The following BRAF variants were observed in gnomAD, a reference collection of about 807,000 sequenced individuals.
The protein encoded by BRAF is B-Raf proto-oncogene, serine/threonine kinase.
BRAF carries 16 observed loss-of-function variants against 104.6 expected under a neutral mutation model. That is an observed-to-expected ratio of 0.15 (90% CI 0.10 to 0.23). The LOEUF (loss-of-function observed/expected upper bound fraction) is 0.23. BRAF is among the 10% of genes least tolerant of loss of function. The pLI is 1.00. For synonymous variants in BRAF, 310 were observed against 341.6 expected (o/e 0.91, Z 1.02); for missense variants, 541 against 937.3 (o/e 0.58, Z 5.52).
At position 140,781,503 on chromosome 7, in the gene BRAF, T is replaced by C. The variant is rs1800866134; in HGVS notation, c.1552+73A>G. The C allele has an allele frequency of 9.6e-6, 13 of 1,354,412 alleles. No individual in the cohort carries two copies. In the South Asian group the frequency reaches 1.4e-4, roughly 15 times the overall value. The allele number at this position is 1,354,412 out of a possible 1,614,324, so 83.9% of individuals were successfully genotyped here. A position where few individuals can be genotyped will look rare whatever the true frequency, so the allele number is the denominator to read the frequency against. On this transcript the variant is annotated intron_variant, in intron 12 of 19. Transcript: ENST00000644969. The stretch of plus-strand genomic sequence containing the variant: ...ACAGTGAATATTTCCTTTGATGATA[T>C]TTTTTACAAAATAAAAGTTGTTAAA...
At chr7:140,759,805 G>T (rs368259741) in intron 14 of BRAF, among the ~76,000 whole-genome samples, 1 of 152,244 alleles carries the variant, frequency 6.6e-6, no homozygotes, top group Admixed American at 6.5e-5. Flanking sequence ...CCTGAAAGCA[G>T]TGTTTCTCAC....
At chr7:140,847,793 C>G (rs2129072008) in intron 2 of BRAF, among the ~76,000 whole-genome samples, 1 of 152,180 alleles carries the variant, frequency 6.6e-6, no homozygotes, top group South Asian at 2.1e-4. Context: ...ATCTTGAGTA[C>G]AGAAACTAAG....
chr7:140,867,753 A>C (rs1811131724), intron 1 of BRAF, among the ~76,000 whole-genome samples: 1 of 152,192 alleles, frequency 6.6e-6, no homozygotes, highest in African/African-American at 2.4e-5. Flanking sequence ...CAAATGCAAA[A>C]AGCATTAAGG....
rs1800405339 is a variant in BRAF at position 140,777,103 on chromosome 7, G to A, written c.1638-15C>T. On this transcript the variant is annotated splice_polypyrimidine_tract_variant and intron_variant, in intron 13 of 19. Transcript: ENST00000644969. Reference sequence around the variant, plus strand: ...GTCGTGTTTTCCTGTACAAAGAAATGTGACAGTAAACATTAAATGTCGACA... The same window carrying A: ...GTCGTGTTTTCCTGTACAAAGAAATATGACAGTAAACATTAAATGTCGACA... 1 of 1,612,388 alleles carries A rather than the reference G, an allele frequency of 6.2e-7. No individual in the cohort carries two copies. Among genetic ancestry groups the A allele is most frequent in the Non-Finnish European group, 8.5e-7 (1 of 1,178,548 alleles).
At chr7:140,865,993 C>T (rs1488104321) in intron 1 of BRAF, among the ~76,000 whole-genome samples, 3 of 152,136 alleles carry the variant, frequency 2.0e-5, no homozygotes. Context: ...CTGTCCATAA[C>T]GTCAAACTGT....
chr7:140,813,886 CAT>C (rs1554405456), intron 3 of BRAF, among the ~76,000 whole-genome samples: 2 of 149,620 alleles, frequency 1.3e-5, no homozygotes, highest in African/African-American at 2.5e-5. Context: ...CGGACGCATA[CAT>C]ACACACACAC....
intron 3 of BRAF, among the ~76,000 whole-genome samples, chr7:140,817,172 G>A (rs1040009039): frequency 1.3e-4 from 19 of 151,872 alleles, no homozygotes; most frequent in African/African-American, 4.4e-4. Flanking sequence ...CAAACAATCC[G>A]AAACAAAAAT....
At chr7:140,763,316 G>A (rs1453206242) in intron 14 of BRAF, among the ~76,000 whole-genome samples, 1 of 147,756 alleles carries the variant, frequency 6.8e-6, no homozygotes, top group Non-Finnish European at 1.5e-5. Flanking sequence ...CCTGGACAGG[G>A]CGGCTGGCCG....
intron 1 of BRAF, among the ~76,000 whole-genome samples, chr7:140,908,989 C>CT (rs1224922004): frequency 0.034 from 4,093 of 120,174 alleles, 204 homozygotes; most frequent in African/African-American, 0.096. Context: ...TCTACGTTTT[C>CT]TTTTTTTTTT....
intron 5 of BRAF, among the ~76,000 whole-genome samples, chr7:140,803,088 T>C (rs1327429300): frequency 6.6e-6 from 1 of 152,242 alleles, no homozygotes; most frequent in Non-Finnish European, 1.5e-5. Context: ...TAACATTCCG[T>C]GCAGGTTATT....
chr7:140,734,235 C>CAGA, intron 19 of BRAF: 1 of 1,162,364 alleles, frequency 8.6e-7, no homozygotes, highest in Non-Finnish European at 1.1e-6. Context: ...GTAGGGTCTT[C>CAGA]TTCTGGAGTC....
chr7:140,821,798 T>G (rs1423449494), intron 3 of BRAF, among the ~76,000 whole-genome samples: 1 of 152,096 alleles, frequency 6.6e-6, no homozygotes, highest in Non-Finnish European at 1.5e-5. Flanking sequence ...ACAGCACTAT[T>G]CACAATAGCA....
chr7:140,847,450 G>C (rs1194607611), intron 2 of BRAF, among the ~76,000 whole-genome samples: 2 of 151,882 alleles, frequency 1.3e-5, no homozygotes, highest in Non-Finnish European at 2.9e-5. Context: ...GGGTATGGTG[G>C]TGCATGCCTG....
chr7:140,892,139 T>C (rs369053666), intron 1 of BRAF, among the ~76,000 whole-genome samples: 1 of 151,990 alleles, frequency 6.6e-6, no homozygotes, highest in Non-Finnish European at 1.5e-5. Flanking sequence ...CACACACCTG[T>C]AGTCCCAACT....
At chr7:140,714,674 A>C (rs936778282), downstream of BRAF, among the ~76,000 whole-genome samples, 1 of 151,960 alleles carries the variant, frequency 6.6e-6, no homozygotes, top group Non-Finnish European at 1.5e-5. Context: ...CTTTTTTTCT[A>C]CTTAGGTTTT....
intron 1 of BRAF, among the ~76,000 whole-genome samples, chr7:140,918,264 A>G (rs553976822): frequency 2.0e-5 from 3 of 152,204 alleles, no homozygotes; most frequent in South Asian, 2.1e-4. Flanking sequence ...ATGGAAGACA[A>G]TTTTTCCATG....
chr7:140,773,967 A>G (rs1445264147), intron 14 of BRAF, among the ~76,000 whole-genome samples: 2 of 152,208 alleles, frequency 1.3e-5, no homozygotes, highest in Non-Finnish European at 2.9e-5. Context: ...GAGTTCCAGG[A>G]AGGAGCAAAA....
chr7:140,755,676 A>G (rs1798143181), intron 14 of BRAF, among the ~76,000 whole-genome samples: 1 of 152,162 alleles, frequency 6.6e-6, no homozygotes, highest in South Asian at 2.1e-4. Context: ...AGAAAATGTT[A>G]TTTCGGTTAT....
intron 1 of BRAF, among the ~76,000 whole-genome samples, chr7:140,909,118 T>C (rs777212938): frequency 6.6e-6 from 1 of 152,088 alleles, no homozygotes; most frequent in Non-Finnish European, 1.5e-5. Flanking sequence ...GTACATTCTC[T>C]ATACTACCCT....
Sources: allele counts gnomAD v4.1 joint callset (sites outside exome capture counted in the v4.1 genomes callset), GRCh38; gene constraint gnomAD v4.1.1; transcripts MANE v1.5; gene names NCBI Gene and HGNC (gene_info 2026-07-23, HGNC 2026-07-21).